Variants in UMPS observed in about 807,000 individuals in gnomAD.
UMPS encodes uridine monophosphate synthetase.
In UMPS, 21 loss-of-function variants were observed where a neutral mutation model predicts 38.9. That is an observed-to-expected ratio of 0.54 (90% CI 0.38 to 0.78). UMPS has a LOEUF of 0.78. Among genes scored for constraint, UMPS ranks in the 30% least tolerant of loss-of-function variants. The pLI is 0.00. For synonymous variants in UMPS, 208 were observed against 219.3 expected, an observed-to-expected ratio of 0.95 and a Z score of 0.45; for missense variants, 533 against 591.6, an observed-to-expected ratio of 0.90 and a Z score of 1.03.
At chr3:124,737,508 A>G in intron 2 of UMPS, 60 bp from the exon 3 acceptor site, 1 of 1,500,926 alleles carries the variant, frequency 6.7e-7, no homozygotes, top group Non-Finnish European at 9.3e-7. Context: ...GTGTGTACGT[A>G]TATACGCACA....
chr3:124,736,626 A>C (rs1159254037), intron 2 of UMPS, among the ~76,000 whole-genome samples: 1 of 152,152 alleles, frequency 6.6e-6, no homozygotes, highest in East Asian at 1.9e-4. Context: ...CTAAAAAAAA[A>C]CTGTATGAAT....
Position 124,742,226 on chromosome 3 carries a change from A to C in UMPS, c.1233A>C (p.Glu411Asp). The change falls in exon 5 of 6, where the codon GAA becomes GAC. Residue 411 changes from glutamate to aspartate, a missense_variant. By Grantham distance (45) the Glu-to-Asp change is conservative (BLOSUM62 2). Coordinates refer to ENST00000232607, the MANE Select transcript of UMPS (RefSeq NM_000373.4). ...ISGSRVSMKPEFLHLTPGVQL... is the reference protein window; with the variant it reads ...ISGSRVSMKPDFLHLTPGVQL... ...GCTCCCGAGTAAGCATGAAACCAGA[A>C]TTTCTTCACTTGACTCCAGGAGTTC... 6.2e-7 allele frequency: 1 copy of C among 1,614,156 alleles called. No individual in the cohort carries two copies. Among genetic ancestry groups the C allele is most frequent in the Non-Finnish European group, 8.5e-7 (1 of 1,180,026 alleles).
intron 2 of UMPS, among the ~76,000 whole-genome samples, chr3:124,735,562 G>GT (rs941512748): frequency 5.9e-5 from 9 of 151,652 alleles, no homozygotes; most frequent in African/African-American, 2.2e-4. Context: ...CAGTATGTTT[G>GT]TATTTAAACT....
chr3:124,746,754 ATTGTGTGTGTGTGTG>A lies in UMPS; in HGVS notation c.*2672_*2686del, dbSNP rs1559909689. The stretch of plus-strand genomic sequence containing the variant: ...CATTCTGTAGAACATAAGCCCATAG[ATTGTGTGTGTGTGTG>A]TGTGTGTGTGTGTGTGTGTGTGTGT... On this transcript the variant is annotated 3_prime_UTR_variant, in exon 6 of 6. Coordinates refer to ENST00000232607, the MANE Select transcript of UMPS (RefSeq NM_000373.4). 3.3e-6 allele frequency: 1 copy of A among 302,926 alleles called. No homozygotes were observed. The highest frequency in any genetic ancestry group is 1.0e-4 in the East Asian group (1 of 9,932). 18.8% of individuals were successfully genotyped at this position (302,926 alleles called of 1,614,324 possible).
Position 124,747,843 on chromosome 3 carries a change from G to A in UMPS, c.*3759G>A, listed in dbSNP as rs1254794196. 4.4e-6 allele frequency: 2 copies of A among 453,198 alleles called. No individual in the cohort carries two copies. Among genetic ancestry groups the A allele is most frequent in the Non-Finnish European group, 8.8e-6 (2 of 226,128 alleles). The allele number at this position is 453,198 out of a possible 1,614,324, so 28.1% of individuals were successfully genotyped here. On this transcript the variant is annotated 3_prime_UTR_variant, in exon 6 of 6. Coordinates refer to ENST00000232607, the MANE Select transcript of UMPS (RefSeq NM_000373.4). ...GCGAAATAGCTGCTTGGTCTTGTGTGAATCCTGTACTTTAACACAGTGGAC... is the reference window on the plus strand; with the variant it reads ...GCGAAATAGCTGCTTGGTCTTGTGTAAATCCTGTACTTTAACACAGTGGAC...
rs73858826 is a variant in UMPS, at chr3:124,740,279, G to A, written c.1158+80G>A. ...GCAAGAAGATATCTCCTAATCTGGCGTTTCTGGAACCTCTGCCAAAAAAAA... is the reference window on the plus strand; with the variant it reads ...GCAAGAAGATATCTCCTAATCTGGCATTTCTGGAACCTCTGCCAAAAAAAA... On this transcript the variant is annotated intron_variant, in intron 4 of 5. Coordinates refer to ENST00000232607, the MANE Select transcript of UMPS (RefSeq NM_000373.4). 3,172 of 1,430,714 alleles carry A rather than the reference G, an allele frequency of 2.2e-3. 58 individuals carry two copies. The African/African-American group carries it at 0.04, about 18-fold the overall frequency. The allele number at this position is 1,430,714 out of a possible 1,614,324, so 88.6% of individuals were successfully genotyped here.
rs762854807 is a variant in UMPS, at chr3:124,747,150, G to A, written c.*3066G>A. The A allele has an allele frequency of 8.8e-6, 4 of 453,884 alleles. No homozygotes were observed. Among genetic ancestry groups the A allele is most frequent in the African/African-American group, 2.0e-5 (1 of 49,992 alleles). The allele number at this position is 453,884 out of a possible 1,614,324, so 28.1% of individuals were successfully genotyped here. On this transcript the variant is annotated 3_prime_UTR_variant, in exon 6 of 6. Transcript: ENST00000232607. ...CTCAAGTAGCTCTCAAGAGCCTCTC[G>A]AGTGGCTGGAACTACAGGCGTGCAC... is the stretch of plus-strand genomic sequence containing the variant.
At position 124,748,017 on chromosome 3, in the gene UMPS, TAAAC is replaced by T. The variant is rs2063615723; in HGVS notation, c.*3935_*3938del. The T allele has an allele frequency of 4.4e-6, 2 of 450,362 alleles. No homozygotes were observed. Among genetic ancestry groups the T allele is most frequent in the South Asian group, 3.2e-5 (2 of 63,396 alleles). The allele number at this position is 450,362 out of a possible 1,614,324, so 27.9% of individuals were successfully genotyped here. On this transcript the variant is annotated 3_prime_UTR_variant, in exon 6 of 6. Transcript: ENST00000232607. The stretch of plus-strand genomic sequence containing the variant: ...ATTCCTTTTTGAAGGAATCTGATAC[TAAAC>T]ACAAAGCATGAGAAAAATCAGGACT...
In UMPS at chr3:124,745,972, G is replaced by A. The variant is rs1195762645; in HGVS notation, c.*1888G>A. 1 of 454,010 alleles carries A rather than the reference G, an allele frequency of 2.2e-6. No homozygotes were observed. 28.1% of individuals were successfully genotyped at this position (454,010 alleles called of 1,614,324 possible). ...TGACTCTGGGTAGCTCTGGGATGGG[G>A]CTTGAGAATTTGCGTTTCCAAAAAG... On this transcript the variant is annotated 3_prime_UTR_variant, in exon 6 of 6. Coordinates refer to ENST00000232607, the MANE Select transcript of UMPS (RefSeq NM_000373.4).
At chr3:124,734,646 CCAAT>C (rs916399972) in intron 1 of UMPS, among the ~76,000 whole-genome samples, 4 of 151,478 alleles carry the variant, frequency 2.6e-5, no homozygotes, top group East Asian at 1.9e-4. Flanking sequence ...TTTTTTTTCT[CCAAT>C]CAAGTTTGAG....
rs770115823 is a variant in UMPS, at chr3:124,747,421, A to T, written c.*3337A>T. ...TCATCCAAAGTACCCGGTGGGTGGG[A>T]GTCACTCAGTACCAGTTCCGAGCCT... On this transcript the variant is annotated 3_prime_UTR_variant, in exon 6 of 6. Transcript: ENST00000232607. 2.2e-6 allele frequency: 1 copy of T among 453,738 alleles called. No homozygotes were observed. The highest frequency in any genetic ancestry group is 1.5e-5 in the South Asian group (1 of 64,832). The allele number at this position is 453,738 out of a possible 1,614,324, so 28.1% of individuals were successfully genotyped here.
chr3:124,740,011 C>T lies in UMPS; in HGVS notation c.983-13C>T. The T allele has an allele frequency of 6.2e-7, 1 of 1,613,774 alleles. No homozygotes were observed. Among genetic ancestry groups the T allele is most frequent in the Non-Finnish European group, 8.5e-7 (1 of 1,179,852 alleles). ...GAAAATCAGCAAATATCTTTTTTCC[C>T]CCTTCTTCTTAGGAGGTATCTTTAA... On this transcript the variant is annotated splice_polypyrimidine_tract_variant and intron_variant, in intron 3 of 5. Coordinates refer to ENST00000232607, the MANE Select transcript of UMPS (RefSeq NM_000373.4).
In UMPS at chr3:124,733,648, G is replaced by A. The variant is rs150094915; in HGVS notation, c.157-1445G>A. ...CGGCCTCTACTATGTTTTGCACGAC[G>A]AGCTTCTTAATGGTCTTTTCCTTGG... is the stretch of plus-strand genomic sequence containing the variant. On this transcript the variant is annotated intron_variant, in intron 1 of 5. Coordinates refer to ENST00000232607, the MANE Select transcript of UMPS (RefSeq NM_000373.4). 33 of 172,358 alleles carry A rather than the reference G, an allele frequency of 1.9e-4. No individual in the cohort carries two copies. In the South Asian group the frequency reaches 2.1e-3, roughly 11 times the overall value. 10.7% of individuals were successfully genotyped at this position (172,358 alleles called of 1,614,324 possible). A position where few individuals can be genotyped will look rare whatever the true frequency, so the allele number is the denominator to read the frequency against.
intron 1 of UMPS, chr3:124,732,588 G>A (rs779510971): frequency 1.9e-5 from 3 of 154,896 alleles, no homozygotes; most frequent in East Asian, 1.9e-4. Flanking sequence ...TACTAGCCAC[G>A]TGTTACTATT....
intron 1 of UMPS, chr3:124,732,650 A>T (rs2063488026): frequency 6.5e-6 from 1 of 154,606 alleles, no homozygotes; most frequent in Admixed American, 6.5e-5. Context: ...AGTGGCTATC[A>T]TATTGGACTG....
At chr3:124,732,112 T>C (rs2063483763) in intron 1 of UMPS, among the ~76,000 whole-genome samples, 1 of 152,190 alleles carries the variant, frequency 6.6e-6, no homozygotes, top group South Asian at 2.1e-4. Flanking sequence ...CTACCTCCTG[T>C]TATTTCAATG....
In UMPS at chr3:124,746,019, G is replaced by A. The variant is rs1486371591; in HGVS notation, c.*1935G>A. 2.2e-6 allele frequency: 1 copy of A among 454,156 alleles called. No homozygotes were observed. Among genetic ancestry groups the A allele is most frequent in the Non-Finnish European group, 4.4e-6 (1 of 226,804 alleles). 28.1% of individuals were successfully genotyped at this position (454,156 alleles called of 1,614,324 possible). ...AAAGGTCCCAGGTGATGCTGCGGTT[G>A]CCTGCGCAGGGACTGGACTTTGAGA... On this transcript the variant is annotated 3_prime_UTR_variant, in exon 6 of 6. Transcript: ENST00000232607.
intron 1 of UMPS, 24 bp from the exon 2 acceptor site, chr3:124,735,069 G>A: frequency 3.1e-6 from 5 of 1,604,590 alleles, no homozygotes. Flanking sequence ...ATAAAACATT[G>A]TTTATGTGTT....
rs1193781976 is a variant in UMPS at position 124,748,224 on chromosome 3, C to T, written c.*4140C>T. 1 of 453,832 alleles carries T rather than the reference C, an allele frequency of 2.2e-6. No homozygotes were observed. Among genetic ancestry groups the T allele is most frequent in the Non-Finnish European group, 4.4e-6 (1 of 226,752 alleles). The allele number at this position is 453,832 out of a possible 1,614,324, so 28.1% of individuals were successfully genotyped here. A position where few individuals can be genotyped will look rare whatever the true frequency, so the allele number is the denominator to read the frequency against. ...GGATTACAGGTGTGAGCCACTGCTC[C>T]CGGCCTGTTGGAGTTCTTTACATTT... On this transcript the variant is annotated 3_prime_UTR_variant, in exon 6 of 6. Transcript: ENST00000232607.
Sources: allele counts gnomAD v4.1 joint callset (sites outside exome capture counted in the v4.1 genomes callset), GRCh38; gene constraint gnomAD v4.1.1; transcripts MANE v1.5; gene names NCBI Gene and HGNC (gene_info 2026-07-23, HGNC 2026-07-21).